The following UBE2D2 variants were observed in gnomAD, a reference collection of about 807,000 sequenced individuals.
UBE2D2 encodes the protein ubiquitin conjugating enzyme E2 D2.
In UBE2D2, 2 loss-of-function variants were observed where a neutral mutation model predicts 24.2. The observed-to-expected ratio is 0.08, with a 90% confidence interval of 0.03 to 0.26. The LOEUF (loss-of-function observed/expected upper bound fraction) is 0.26, where lower values mean the gene tolerates loss of function less well. Among genes scored for constraint, UBE2D2 ranks in the 10% least tolerant of loss-of-function variants. UBE2D2 has a pLI of 1.00. For missense variants in UBE2D2, 44 were observed against 177.6 expected (o/e 0.25, Z 4.28); for synonymous variants, 58 against 56.5 (o/e 1.03, Z -0.12).
At chr5:139,552,675 A>ATTTT (rs35039276) in intron 1 of UBE2D2, among the ~76,000 whole-genome samples, 1 of 59,340 alleles carries the variant, frequency 1.7e-5, no homozygotes, top group East Asian at 5.0e-4. Context: ...CGCTTGGCTA[A>ATTTT]TTTTTTTTTT....
chr5:139,615,286 C>T (rs975082177), intron 5 of UBE2D2, among the ~76,000 whole-genome samples: 1 of 152,088 alleles, frequency 6.6e-6, no homozygotes, highest in Non-Finnish European at 1.5e-5. Flanking sequence ...AGATCGAGAC[C>T]ATCCTGGCTA....
intron 1 of UBE2D2, among the ~76,000 whole-genome samples, chr5:139,529,615 T>C (rs1397743231): frequency 6.6e-6 from 1 of 151,818 alleles, no homozygotes; most frequent in African/African-American, 2.4e-5. Flanking sequence ...AAATTGATAA[T>C]CACAAACCCC....
At chr5:139,555,593 G>T (rs1752970955) in intron 1 of UBE2D2, among the ~76,000 whole-genome samples, 1 of 151,788 alleles carries the variant, frequency 6.6e-6, no homozygotes, top group South Asian at 2.1e-4. Flanking sequence ...CAGGAAAAAA[G>T]AAAATTATAA....
intron 1 of UBE2D2, among the ~76,000 whole-genome samples, chr5:139,599,165 C>T (rs931035289): frequency 6.6e-6 from 1 of 151,630 alleles, no homozygotes; most frequent in Non-Finnish European, 1.5e-5. Context: ...GAACTCCTGA[C>T]GTCAGGTGAT....
chr5:139,548,193 A>AAAAAAAAAAATAATAATAAATAAAT, intron 1 of UBE2D2, among the ~76,000 whole-genome samples: 1 of 47,104 alleles, frequency 2.1e-5, no homozygotes, highest in African/African-American at 1.1e-4. Context: ...ATAAAAAAAA[A>AAAAAAAAAAATAATAATAAATAAAT]AAATAAATAA....
At chr5:139,611,520 A>T (rs1481991774) in intron 2 of UBE2D2, among the ~76,000 whole-genome samples, 1 of 152,132 alleles carries the variant, frequency 6.6e-6, no homozygotes, top group African/African-American at 2.4e-5. Flanking sequence ...AGATGGCGAC[A>T]TTCTTAGTGT....
At chr5:139,548,193 A>AATAAATAAATAAATAAAT (rs1752862553) in intron 1 of UBE2D2, among the ~76,000 whole-genome samples, 2 of 47,106 alleles carry the variant, frequency 4.2e-5, no homozygotes, top group South Asian at 6.6e-4. Flanking sequence ...ATAAAAAAAA[A>AATAAATAAATAAATAAAT]AAATAAATAA....
At chr5:139,601,783 C>T (rs1270874758) in intron 2 of UBE2D2, among the ~76,000 whole-genome samples, 5 of 151,468 alleles carry the variant, frequency 3.3e-5, no homozygotes, top group East Asian at 2.0e-4. Context: ...TGGTGACAGG[C>T]GCCTGTAATC....
At chr5:139,588,524 G>C (rs545039394) in intron 1 of UBE2D2, among the ~76,000 whole-genome samples, 19 of 152,054 alleles carry the variant, frequency 1.2e-4, no homozygotes, top group African/African-American at 4.6e-4. Flanking sequence ...GGTTGTGATA[G>C]TGTAAGCTTT....
upstream of UBE2D2, among the ~76,000 whole-genome samples, chr5:139,561,010 A>G (rs918370991): frequency 3.3e-5 from 5 of 152,180 alleles, no homozygotes; most frequent in African/African-American, 1.2e-4. Context: ...CGGGACTAGT[A>G]CGGGGACGGT....
chr5:139,538,331 A>G (rs1222682976), intron 1 of UBE2D2, among the ~76,000 whole-genome samples: 3 of 152,232 alleles, frequency 2.0e-5, no homozygotes, highest in African/African-American at 4.8e-5. Flanking sequence ...AGAACACTCA[A>G]GTTCATAGCA....
At chr5:139,563,019 C>T (rs560082287) in intron 1 of UBE2D2, among the ~76,000 whole-genome samples, 49 of 152,266 alleles carry the variant, frequency 3.2e-4, no homozygotes, top group Admixed American at 2.0e-3. Flanking sequence ...CTCAAGCTAG[C>T]CTCCTGTCTC....
At chr5:139,546,817 T>TCTTCCTTCCTTCCTTC (rs59929319) in intron 1 of UBE2D2, among the ~76,000 whole-genome samples, 12 of 138,408 alleles carry the variant, frequency 8.7e-5, no homozygotes, top group African/African-American at 2.7e-4. Flanking sequence ...CTTCTTTCTT[T>TCTTCCTTCCTTCCTTC]CTTCCTTCCT....
At chr5:139,612,824 G>T (rs1440134600) in intron 2 of UBE2D2, among the ~76,000 whole-genome samples, 1 of 152,146 alleles carries the variant, frequency 6.6e-6, no homozygotes, top group Non-Finnish European at 1.5e-5. Context: ...ATTTTTTTCA[G>T]AAACAGGGTC....
intron 1 of UBE2D2, among the ~76,000 whole-genome samples, chr5:139,551,383 T>G (rs184065752): frequency 9.9e-5 from 15 of 152,254 alleles, no homozygotes; most frequent in Middle Eastern, 6.8e-3. Context: ...CCAGGAGAAC[T>G]CCACACTTGC....
chr5:139,620,850 T>C (rs975958744), intron 5 of UBE2D2, among the ~76,000 whole-genome samples: 3 of 152,202 alleles, frequency 2.0e-5, no homozygotes, highest in Non-Finnish European at 2.9e-5. Flanking sequence ...TCTATTAGCA[T>C]TAGTATAGAA....
chr5:139,599,403 A>C (rs1754025378), intron 1 of UBE2D2, among the ~76,000 whole-genome samples: 1 of 151,962 alleles, frequency 6.6e-6, no homozygotes. Context: ...AATTGGCCTT[A>C]AATTTTTTTT....
At chr5:139,573,028 G>A (rs1025386987) in intron 1 of UBE2D2, among the ~76,000 whole-genome samples, 35 of 152,006 alleles carry the variant, frequency 2.3e-4, no homozygotes, top group Non-Finnish European at 3.8e-4. Context: ...GAGGCTGGGC[G>A]CGGTGGCTCA....
intron 1 of UBE2D2, among the ~76,000 whole-genome samples, chr5:139,545,435 AT>A (rs55867147): frequency 0.97 from 129,194 of 132,798 alleles, 62,805 homozygotes; most frequent in Admixed American, 0.98. Flanking sequence ...TTTTTTTTTA[AT>A]TTTTTTTTGT....
Sources: gnomAD v4.1 joint callset for allele counts (sites outside exome capture counted in the v4.1 genomes callset) on GRCh38, gnomAD v4.1.1 for gene constraint, MANE v1.5 for transcripts, NCBI Gene and HGNC (gene_info 2026-07-23, HGNC 2026-07-21) for gene names.